The following TOP2B variants were observed in gnomAD, a reference collection of about 807,000 sequenced individuals.
TOP2B encodes DNA topoisomerase II beta, also known as DNA topoisomerase 2-beta.
A neutral mutation model predicts 193.5 loss-of-function variants in TOP2B; 51 were observed. The observed-to-expected ratio is 0.26, with a 90% confidence interval of 0.21 to 0.33. TOP2B has a LOEUF of 0.33. Among genes scored for constraint, TOP2B ranks in the 10% least tolerant of loss-of-function variants. TOP2B has a pLI of 1.00. For synonymous variants in TOP2B, 634 were observed against 635.7 expected (o/e 1.00, Z 0.04); for missense variants, 1,378 against 1,909.3 (o/e 0.72, Z 5.19).
intron 33 of TOP2B, among the ~76,000 whole-genome samples, chr3:25,602,928 T>C (rs1385957823): frequency 2.6e-5 from 4 of 152,170 alleles, no homozygotes; most frequent in African/African-American, 9.7e-5. Flanking sequence ...TGATATTTTA[T>C]TGGAATTATA....
chr3:25,635,432 T>C (rs546003661), intron 7 of TOP2B, among the ~76,000 whole-genome samples: 1 of 152,326 alleles, frequency 6.6e-6, no homozygotes, highest in Non-Finnish European at 1.5e-5. Flanking sequence ...TAAAGTATTT[T>C]AAATAACTAC....
At chr3:25,664,089 C>CT in intron 1 of TOP2B, 140 bp downstream of exon 1, 2 of 1,262,630 alleles carry the variant, frequency 1.6e-6, no homozygotes, top group Non-Finnish European at 2.2e-6. Flanking sequence ...CTGGAGGATT[C>CT]TGCAAGCACA....
rs780502952 is a variant in TOP2B at position 25,632,396 on chromosome 3, C to T, written c.1266+50G>A. 2 of 1,436,978 alleles carry T rather than the reference C, an allele frequency of 1.4e-6. 1 individual carries two copies. Among genetic ancestry groups the T allele is most frequent in the South Asian group, 2.7e-5 (2 of 75,288 alleles). The allele number at this position is 1,436,978 out of a possible 1,614,324, so 89.0% of individuals were successfully genotyped here. A position where few individuals can be genotyped will look rare whatever the true frequency, so the allele number is the denominator to read the frequency against. On this transcript the variant is annotated intron_variant, in intron 10 of 35. Transcript: ENST00000264331. Reference sequence around the variant, plus strand: ...CAAATAAAGTAAATCAAGAAAACTACCTAATCAACTCTTAATAACAACAAT... The same window carrying T: ...CAAATAAAGTAAATCAAGAAAACTATCTAATCAACTCTTAATAACAACAAT...
intron 23 of TOP2B, 26 bp downstream of exon 23, chr3:25,619,831 GATTAA>G: frequency 6.7e-7 from 1 of 1,486,508 alleles, no homozygotes. Context: ...ATGCAAGAAA[GATTAA>G]ATTAACAGTA....
chr3:25,605,868 A>T (rs1383387507), intron 32 of TOP2B, among the ~76,000 whole-genome samples, 175 bp downstream of exon 32: 1 of 152,138 alleles, frequency 6.6e-6, no homozygotes, highest in Non-Finnish European at 1.5e-5. Context: ...ATTAGTTAGG[A>T]ATCACCTCAG....
chr3:25,602,630 C>T (rs1006580911), intron 33 of TOP2B, among the ~76,000 whole-genome samples: 4 of 152,064 alleles, frequency 2.6e-5, no homozygotes, highest in African/African-American at 7.2e-5. Flanking sequence ...GATTGTGTGG[C>T]TTTTCCCACC....
chr3:25,643,640 G>T, intron 3 of TOP2B, 54 bp downstream of exon 3: 1 of 1,322,142 alleles, frequency 7.6e-7, no homozygotes, highest in South Asian at 1.2e-5. Context: ...TATATAAAAG[G>T]ACACTATGAT....
intron 31 of TOP2B, 69 bp from the exon 32 acceptor site, chr3:25,606,191 T>C: frequency 1.4e-6 from 1 of 725,306 alleles, no homozygotes; most frequent in East Asian, 3.0e-5. Flanking sequence ...TGATAAATTA[T>C]ATATAATATT....
intron 32 of TOP2B, 80 bp downstream of exon 32, chr3:25,605,963 C>G: frequency 1.3e-6 from 1 of 757,306 alleles, no homozygotes; most frequent in Admixed American, 4.0e-5. Context: ...TAAATCATGA[C>G]CTAACGATTT....
downstream of TOP2B, chr3:25,597,982 A>AACAC (rs1412781230): frequency 5.9e-6 from 1 of 169,402 alleles, no homozygotes; most frequent in African/African-American, 2.4e-5. Flanking sequence ...AGAGACAGAG[A>AACAC]ACACAGTTCC....
Position 25,619,952 on chromosome 3 carries a change from C to T in TOP2B, c.2973G>A (p.Val991=). 6.2e-7 allele frequency: 1 copy of T among 1,613,160 alleles called. No individual in the cohort carries two copies. Among genetic ancestry groups the T allele is most frequent in the Non-Finnish European group, 8.5e-7 (1 of 1,179,614 alleles). Residue 991 remains valine (V), a synonymous_variant, in exon 23 of 36, where the codon GTG becomes GTA. Coordinates refer to ENST00000264331, the MANE Select transcript of TOP2B (RefSeq NM_001330700.2). ...YHTDTTVKFV[V]KMTEEKLAQA... is the part of the protein sequence containing the mutation. ...GTGCTAGTTTCTCTTCAGTCATTTT[C>T]ACCACAAATTTCACAGTTGTGTCAG... is the stretch of plus-strand genomic sequence containing the variant.
intron 35 of TOP2B, among the ~76,000 whole-genome samples, chr3:25,599,223 AAGT>A (rs1249294543): frequency 1.3e-5 from 2 of 152,184 alleles, no homozygotes; most frequent in Non-Finnish European, 2.9e-5. Flanking sequence ...GGAAGGTTCT[AAGT>A]AGGTTAATTT....
chr3:25,606,156 C>T (rs1476351562), intron 31 of TOP2B, 34 bp from the exon 32 acceptor site: 6 of 1,014,808 alleles, frequency 5.9e-6, no homozygotes, highest in Non-Finnish European at 8.5e-6. Context: ...ACAGAGGATA[C>T]AATTTAAATA....
intron 1 of TOP2B, among the ~76,000 whole-genome samples, chr3:25,656,571 C>G (rs1027442720): frequency 6.6e-6 from 1 of 151,868 alleles, no homozygotes; most frequent in Non-Finnish European, 1.5e-5. Context: ...TTTTATTGCT[C>G]TAGTTTTTAT....
chr3:25,664,087 T>C, intron 1 of TOP2B, 142 bp downstream of exon 1: 1 of 1,224,648 alleles, frequency 8.2e-7, no homozygotes, highest in Non-Finnish European at 1.1e-6. Context: ...GGCTGGAGGA[T>C]TCTGCAAGCA....
At chr3:25,635,637 G>GA (rs34403040) in intron 7 of TOP2B, among the ~76,000 whole-genome samples, 49,530 of 151,756 alleles carry the variant, frequency 0.33, 8,646 homozygotes, top group African/African-American at 0.45. Context: ...GAAGAGAGGG[G>GA]ATAGAAATTA....
Position 25,637,258 on chromosome 3 carries a change from G to C in TOP2B, c.596C>G (p.Thr199Arg). 1 of 1,560,520 alleles carries C rather than the reference G, an allele frequency of 6.4e-7. No individual in the cohort carries two copies. Among genetic ancestry groups the C allele is most frequent in the South Asian group, 1.2e-5 (1 of 84,832 alleles). ...GTATTCTTTGCAAGCTGTTTCTACT[G>C]TAAACTTTGTACTGAAAATATTACA... ...KLCNIFSTKF[T>R]VETACKEYKH... Residue 199 changes from threonine (T) to arginine (R), a missense_variant, in exon 6 of 36, where the codon ACA becomes AGA. By Grantham distance (71) the Thr-to-Arg change is moderately conservative. Around this residue, in one of 9 missense-constraint regions of TOP2B, gnomAD observed 222 missense variants for 306.6 expected, o/e 0.72. Coordinates refer to ENST00000264331, the MANE Select transcript of TOP2B (RefSeq NM_001330700.2).
rs187705577 is a variant in TOP2B, at chr3:25,625,733, A to C, written c.2224+827T>G. 5.2e-3 allele frequency among the ~76,000 whole-genome samples: 798 copies of C among 152,326 alleles called. 3 individuals are homozygous for C. The highest frequency in any genetic ancestry group is 0.018 in the African/African-American group (764 of 41,562). On this transcript the variant is annotated intron_variant, in intron 18 of 35. Transcript: ENST00000264331. ...ACACCCTGGCTCTAGGCCAATAAGC[A>C]CAGTAACAATCTTTTCAGTATATGC...
intron 25 of TOP2B, among the ~76,000 whole-genome samples, chr3:25,616,979 T>G (rs1702521511): frequency 6.6e-6 from 1 of 152,110 alleles, no homozygotes; most frequent in South Asian, 2.1e-4. Flanking sequence ...TATAATTCTC[T>G]TTTCTCCAAC....
Sources: allele counts gnomAD v4.1 joint callset (sites outside exome capture counted in the v4.1 genomes callset), GRCh38; gene constraint gnomAD v4.1.1; regional missense constraint gnomAD v4.1.1; transcripts MANE v1.5; gene names NCBI Gene and HGNC (gene_info 2026-07-23, HGNC 2026-07-21).